Variants in SVEP1 observed in about 807,000 individuals in gnomAD.
SVEP1 encodes sushi, von Willebrand factor type A, EGF and pentraxin domain-containing protein 1.
Under a neutral mutation model 367.3 loss-of-function variants are expected in SVEP1, and 164 were observed. The ratio of observed to expected loss-of-function variants is 0.45; its 90% CI spans 0.39 to 0.51. SVEP1 has a LOEUF of 0.51. Among genes scored for constraint, SVEP1 ranks in the 20% least tolerant of loss-of-function variants. The pLI is 0.00. For synonymous variants in SVEP1, 1,666 were observed against 1,611.6 expected (o/e 1.03, Z -0.81); for missense variants, 4,117 against 4,425.3 (o/e 0.93, Z 1.98).
intron 13 of SVEP1, among the ~76,000 whole-genome samples, chr9:110,479,325 A>G (rs1167612982): frequency 1.3e-5 from 2 of 152,166 alleles, no homozygotes; most frequent in Admixed American, 1.3e-4. Flanking sequence ...TCTTATCATA[A>G]ACAAAATACC....
At chr9:110,496,477 T>G (rs375921423) in intron 8 of SVEP1, among the ~76,000 whole-genome samples, 31 of 152,204 alleles carry the variant, frequency 2.0e-4, no homozygotes, top group Non-Finnish European at 2.4e-4. Flanking sequence ...TGGACTTTTG[T>G]ACTTATATCA....
intron 40 of SVEP1, among the ~76,000 whole-genome samples, chr9:110,393,338 T>C (rs572357564): frequency 9.8e-5 from 15 of 152,334 alleles, no homozygotes; most frequent in Admixed American, 7.8e-4. Context: ...ATGATAATTC[T>C]TGTACTGCAT....
rs1827966791 is a variant in SVEP1 at position 110,407,048 on chromosome 9, A to T, written c.8552T>A (p.Phe2851Tyr). The part of the protein sequence containing the change: ...NGQVRGDEYT[F>Y]QKEIEYTCNE... ...GCAAGTGTATTCAATCTCTTTTTGG[A>T]ATGTGTACTCGTCTCCTCTCACCTG... is the stretch of plus-strand genomic sequence containing the variant. Residue 2851 changes from phenylalanine to tyrosine, a missense_variant, in exon 38 of 48, where the codon TTC (phenylalanine) becomes TAC (tyrosine). By Grantham distance (22) the Phe-to-Tyr change is conservative. Coordinates refer to ENST00000374469, the MANE Select transcript of SVEP1 (RefSeq NM_153366.4). 1.2e-6 allele frequency: 2 copies of T among 1,613,700 alleles called. No individual in the cohort carries two copies. The highest frequency in any genetic ancestry group is 2.7e-5 in the African/African-American group (2 of 74,862).
In SVEP1 at chr9:110,408,079, G is replaced by T. The variant is rs1413820361; in HGVS notation, c.7521C>A (p.Gly2507=). ...AGTGTAGGTCCGTGTAAGAGAATTT[G>T]CCATTCAAAATCTCCTTGGGTTTCA... The part of the protein sequence containing the change: ...ECLKPKEILN[G]KFSYTDLHYG... The change falls in exon 38 of 48, where the codon GGC becomes GGA. Residue 2507 remains glycine, a synonymous_variant. Coordinates refer to ENST00000374469, the MANE Select transcript of SVEP1 (RefSeq NM_153366.4). The T allele has an allele frequency of 6.2e-7, 1 of 1,613,404 alleles. No homozygotes were observed. Among genetic ancestry groups the T allele is most frequent in the South Asian group, 1.1e-5 (1 of 91,030 alleles).
chr9:110,517,409 C>T (rs1829818757), intron 3 of SVEP1, among the ~76,000 whole-genome samples: 2 of 151,816 alleles, frequency 1.3e-5, no homozygotes. Flanking sequence ...ACTGCCCTGG[C>T]CAACATGGTG....
At chr9:110,482,576 G>C in intron 10 of SVEP1, 84 bp from the exon 11 acceptor site, 1 of 1,467,884 alleles carries the variant, frequency 6.8e-7, no homozygotes, top group South Asian at 1.3e-5. Flanking sequence ...GCCCAGGCTG[G>C]AGTGCAATGG....
At chr9:110,559,146 T>C (rs1180324816) in intron 1 of SVEP1, among the ~76,000 whole-genome samples, 1 of 152,018 alleles carries the variant, frequency 6.6e-6, no homozygotes, top group Non-Finnish European at 1.5e-5. Flanking sequence ...AATAAATCAG[T>C]AGTATTAAGT....
intron 7 of SVEP1, among the ~76,000 whole-genome samples, chr9:110,498,426 G>C (rs2151688): frequency 0.035 from 5,278 of 152,094 alleles, 118 homozygotes; most frequent in Middle Eastern, 0.051. Context: ...CCATCTTTTT[G>C]GTTTGATCAA....
chr9:110,543,419 G>A (rs1830177791), intron 3 of SVEP1, among the ~76,000 whole-genome samples: 1 of 152,184 alleles, frequency 6.6e-6, no homozygotes, highest in Non-Finnish European at 1.5e-5. Flanking sequence ...ACCAACAGCA[G>A]AAGTGCTCCA....
At chr9:110,566,361 A>AATAAATAC (rs1564178225) in intron 1 of SVEP1, among the ~76,000 whole-genome samples, 3 of 150,850 alleles carry the variant, frequency 2.0e-5, no homozygotes, top group African/African-American at 7.3e-5. Context: ...TAAATAAATA[A>AATAAATAC]ATAAATAAAT....
intron 5 of SVEP1, among the ~76,000 whole-genome samples, chr9:110,512,497 G>T (rs1829734623): frequency 6.6e-6 from 1 of 152,054 alleles, no homozygotes; most frequent in South Asian, 2.1e-4. Flanking sequence ...TCTATAACGG[G>T]TCGACTAGCC....
In SVEP1 at chr9:110,443,689, T is replaced by A; in HGVS notation, c.4495A>T (p.Ile1499Leu). The A allele has an allele frequency of 6.2e-7, 1 of 1,609,678 alleles. No individual in the cohort carries two copies. Among genetic ancestry groups the A allele is most frequent in the Non-Finnish European group, 8.5e-7 (1 of 1,177,952 alleles). The change falls in exon 27 of 48, where the codon ATA (isoleucine) becomes TTA (leucine). Residue 1499 changes from isoleucine to leucine, a missense_variant. By Grantham distance (5) the Ile-to-Leu change is conservative (BLOSUM62 2). This residue lies in a region of SVEP1 where 2,174 missense variants were observed against 2,494.3 expected (regional missense o/e 0.87). Transcript: ENST00000374469. The stretch of plus-strand genomic sequence containing the variant: ...TCATTCACCGAGGGACAGTTTGTTA[T>A]CTTTTCCCTGCCATTCACATAAAGA... ...WVLYVNGREK[I>L]TNCPSVNDGR...
intron 1 of SVEP1, among the ~76,000 whole-genome samples, chr9:110,568,629 T>C (rs1413348328): frequency 6.6e-6 from 1 of 152,146 alleles, no homozygotes; most frequent in African/African-American, 2.4e-5. Flanking sequence ...AAGTTCTACC[T>C]TGCTGAGGGA....
intron 19 of SVEP1, 95 bp downstream of exon 19, chr9:110,458,857 C>T: frequency 1.4e-6 from 2 of 1,459,202 alleles, no homozygotes; most frequent in Non-Finnish European, 1.8e-6. Context: ...CCCAAATCCA[C>T]CGAAAATAGT....
intron 3 of SVEP1, among the ~76,000 whole-genome samples, chr9:110,534,254 C>T (rs1480308035): frequency 6.6e-6 from 1 of 152,124 alleles, no homozygotes; most frequent in Non-Finnish European, 1.5e-5. Context: ...ATTTAGCTCC[C>T]ACTTACAAGT....
intron 28 of SVEP1, 122 bp downstream of exon 28, chr9:110,436,258 T>C (rs1428962872): frequency 2.4e-6 from 3 of 1,263,464 alleles, no homozygotes. Context: ...CAAATGATAC[T>C]GGTGATAAAT....
chr9:110,367,882 A>T (rs1827222383), intron 47 of SVEP1, among the ~76,000 whole-genome samples: 1 of 152,116 alleles, frequency 6.6e-6, no homozygotes, highest in Admixed American at 6.5e-5. Context: ...GGAGTTCGAG[A>T]CTAGCCTGGC....
intron 18 of SVEP1, among the ~76,000 whole-genome samples, chr9:110,464,399 A>G (rs566940285): frequency 6.6e-6 from 1 of 152,328 alleles, no homozygotes; most frequent in African/African-American, 2.4e-5. Flanking sequence ...ATTTAAACAG[A>G]TGGAGTATAT....
At chr9:110,478,082 G>A (rs1032538139) in intron 13 of SVEP1, among the ~76,000 whole-genome samples, 2 of 151,974 alleles carry the variant, frequency 1.3e-5, no homozygotes, top group African/African-American at 4.8e-5. Flanking sequence ...CATCTTTACG[G>A]TGGTTCAAAC....
Sources: gnomAD v4.1 joint callset for allele counts (sites outside exome capture counted in the v4.1 genomes callset) on GRCh38, gnomAD v4.1.1 for gene constraint, gnomAD v4.1.1 regional missense constraint, MANE v1.5 for transcripts, NCBI Gene and HGNC (gene_info 2026-07-23, HGNC 2026-07-21) for gene names.